The following CCSER1 variants were observed in gnomAD, a reference collection of about 807,000 sequenced individuals.
The protein encoded by CCSER1 is serine-rich coiled-coil domain-containing protein 1.
In CCSER1, 41 loss-of-function variants were observed where a neutral mutation model predicts 82.0. The observed-to-expected ratio is 0.50, with a 90% CI of 0.39 to 0.65. CCSER1 has a LOEUF of 0.65. CCSER1 is among the 30% of genes least tolerant of loss of function. CCSER1 has a pLI of 0.00. For synonymous variants in CCSER1, 414 were observed against 383.9 expected (o/e 1.08, Z -0.92); for missense variants, 1,119 against 1,064.2 (o/e 1.05, Z -0.72).
intron 9 of CCSER1, among the ~76,000 whole-genome samples, chr4:90,963,073 A>T (rs1734199822): frequency 6.6e-6 from 1 of 152,130 alleles, no homozygotes; most frequent in South Asian, 2.1e-4. Context: ...CTAATTGTTC[A>T]GGTTTCTTTT....
chr4:90,622,006 C>T (rs983817034), intron 5 of CCSER1, among the ~76,000 whole-genome samples: 11 of 152,162 alleles, frequency 7.2e-5, no homozygotes, highest in Non-Finnish European at 1.6e-4. Flanking sequence ...CCTGGAAGTT[C>T]ATCTGGCTTT....
At chr4:90,858,878 G>A (rs947952117) in intron 8 of CCSER1, among the ~76,000 whole-genome samples, 6 of 151,888 alleles carry the variant, frequency 4.0e-5, no homozygotes, top group East Asian at 1.9e-4. Context: ...AGAGGGAAGC[G>A]GAAGAGCTGT....
chr4:91,327,952 G>C (rs887320594), intron 10 of CCSER1, among the ~76,000 whole-genome samples: 1 of 152,102 alleles, frequency 6.6e-6, no homozygotes, highest in African/African-American at 2.4e-5. Context: ...TTCCCAATAA[G>C]TTCCTCATCT....
rs1255895069 is a variant in CCSER1 at position 90,391,469 on chromosome 4, TATATATATATATATATACACAC to T, written c.1510-8565_1510-8544del. On this transcript the variant is annotated intron_variant, in intron 3 of 10. Coordinates refer to ENST00000509176, the MANE Select transcript of CCSER1 (RefSeq NM_001145065.2). ...GTATATATATATATATATATATATA[TATATATATATATATATACACAC>T]ACACAGTGGGTAAATATATATATAT... Among the ~76,000 whole-genome samples, 17 of 92,214 alleles carry T rather than the reference TATATATATATATATATACACAC, an allele frequency of 1.8e-4. 1 individual carries two copies. The highest frequency in any genetic ancestry group is 7.7e-4 in the African/African-American group (13 of 16,788). 60.5% of individuals were successfully genotyped at this position (92,214 alleles called of 152,430 possible). A position where few individuals can be genotyped will look rare whatever the true frequency, so the allele number is the denominator to read the frequency against.
At chr4:90,556,840 G>A (rs1487123876) in intron 5 of CCSER1, among the ~76,000 whole-genome samples, 2 of 145,834 alleles carry the variant, frequency 1.4e-5, no homozygotes, top group East Asian at 2.0e-4. Flanking sequence ...AGGAACAACT[G>A]TATATCTATA....
intron 10 of CCSER1, among the ~76,000 whole-genome samples, chr4:91,592,256 A>C (rs1473084684): frequency 1.3e-5 from 2 of 152,046 alleles, no homozygotes; most frequent in Admixed American, 6.6e-5. Flanking sequence ...AAGGGGAGAA[A>C]CCTCTTATAA....
At chr4:90,996,589 T>G (rs1269517266) in intron 9 of CCSER1, among the ~76,000 whole-genome samples, 2 of 152,262 alleles carry the variant, frequency 1.3e-5, no homozygotes, top group South Asian at 4.1e-4. Flanking sequence ...ACTAAAACTT[T>G]AAATCATTCT....
rs1363853552 is a variant in CCSER1, at chr4:90,918,634, G to GATATATAT, written c.2095-4735_2095-4734insTATATATA. ...TATTATGTCTTTCATGCTCATTCAA[G>GATATATAT]AGAGATATATATATATATATTAGTA... On this transcript the variant is annotated intron_variant, in intron 8 of 10. Coordinates refer to ENST00000509176, the MANE Select transcript of CCSER1 (RefSeq NM_001145065.2). Among the ~76,000 whole-genome samples the GATATATAT allele has an allele frequency of 8.7e-5, 13 of 148,962 alleles. 1 individual carries two copies. In the East Asian group the frequency reaches 2.4e-3, roughly 27 times the overall value.
chr4:90,518,016 A>G (rs988216172), intron 5 of CCSER1, among the ~76,000 whole-genome samples: 2 of 152,078 alleles, frequency 1.3e-5, no homozygotes, highest in East Asian at 3.9e-4. Context: ...AAAACATAAT[A>G]TGAATAAGGG....
At chr4:91,380,405 G>T (rs1750790276) in intron 10 of CCSER1, among the ~76,000 whole-genome samples, 1 of 152,042 alleles carries the variant, frequency 6.6e-6, no homozygotes, top group Admixed American at 6.6e-5. Flanking sequence ...GGTCTCTAAG[G>T]ACTTGCTTTA....
intron 4 of CCSER1, among the ~76,000 whole-genome samples, chr4:90,402,679 A>G (rs1753052768): frequency 6.6e-6 from 1 of 152,210 alleles, no homozygotes; most frequent in Non-Finnish European, 1.5e-5. Context: ...AGCAGTCTCA[A>G]TTATGTTTGG....
intron 8 of CCSER1, among the ~76,000 whole-genome samples, chr4:90,897,702 C>T (rs1176108544): frequency 6.6e-6 from 1 of 152,028 alleles, no homozygotes; most frequent in African/African-American, 2.4e-5. Context: ...AAATCTTCTA[C>T]CATTTTCCGT....
chr4:91,551,779 T>C (rs1039926917), intron 10 of CCSER1, among the ~76,000 whole-genome samples: 2 of 151,472 alleles, frequency 1.3e-5, no homozygotes, highest in African/African-American at 2.4e-5. Context: ...TTAATTTATA[T>C]TTCCAAAGAA....
chr4:90,172,200 T>C (rs1731828471), intron 1 of CCSER1, among the ~76,000 whole-genome samples: 1 of 151,938 alleles, frequency 6.6e-6, no homozygotes, highest in Admixed American at 6.6e-5. Flanking sequence ...GTATTGTCTA[T>C]AGTTACTCTA....
rs138205909 is a variant in CCSER1, at chr4:91,135,510, C to A, written c.2217+49516C>A. On this transcript the variant is annotated intron_variant, in intron 10 of 10. Transcript: ENST00000509176. Reference sequence around the variant, plus strand: ...TGGAATTGTTTTTGATGTTCATTTGCTGATTTAGATGATTTATTGCAGTAT... The same window carrying A: ...TGGAATTGTTTTTGATGTTCATTTGATGATTTAGATGATTTATTGCAGTAT... Among the ~76,000 whole-genome samples the A allele has an allele frequency of 5.7e-3, 873 of 152,244 alleles. 12 individuals carry two copies. The highest frequency in any genetic ancestry group is 0.02 in the African/African-American group (815 of 41,546).
In CCSER1 at chr4:90,759,332, G is replaced by A. The variant is rs190654890; in HGVS notation, c.2010+35341G>A. 3.9e-3 allele frequency among the ~76,000 whole-genome samples: 599 copies of A among 152,168 alleles called. 1 individual carries two copies. Among genetic ancestry groups the A allele is most frequent in the South Asian group, 0.015 (70 of 4,826 alleles). ...TTCAATAAATCTCACCAAATGGAGA[G>A]GATAACTAGAAAATTGAGTTCTTTA... On this transcript the variant is annotated intron_variant, in intron 7 of 10. Coordinates refer to ENST00000509176, the MANE Select transcript of CCSER1 (RefSeq NM_001145065.2).
intron 7 of CCSER1, among the ~76,000 whole-genome samples, chr4:90,801,779 C>G (rs1399920858): frequency 2.6e-5 from 4 of 152,176 alleles, no homozygotes; most frequent in African/African-American, 9.6e-5. Flanking sequence ...ACTTCATCAA[C>G]ATTTCATATA....
intron 10 of CCSER1, among the ~76,000 whole-genome samples, chr4:91,339,911 G>A (rs1747595768): frequency 6.6e-6 from 1 of 152,106 alleles, no homozygotes; most frequent in Admixed American, 6.5e-5. Context: ...GAGGTCAGGA[G>A]TTCAAGACCA....
At chr4:90,673,683 T>G (rs1053988757) in intron 6 of CCSER1, among the ~76,000 whole-genome samples, 1 of 151,910 alleles carries the variant, frequency 6.6e-6, no homozygotes, top group African/African-American at 2.4e-5. Context: ...TATTATTGAG[T>G]AAGAGTTAAA....
Sources: gnomAD v4.1 joint callset for allele counts (sites outside exome capture counted in the v4.1 genomes callset) on GRCh38, gnomAD v4.1.1 for gene constraint, MANE v1.5 for transcripts, NCBI Gene and HGNC (gene_info 2026-07-23, HGNC 2026-07-21) for gene names.